The following KCNIP4 variants were observed in gnomAD, a reference collection of about 807,000 sequenced individuals.
KCNIP4 encodes the protein Kv channel-interacting protein 4.
Under a neutral mutation model 34.0 loss-of-function variants are expected in KCNIP4, and 12 were observed. That is an observed-to-expected ratio of 0.35 (90% CI 0.23 to 0.57). The LOEUF (loss-of-function observed/expected upper bound fraction) is 0.57. Among genes scored for constraint, KCNIP4 ranks in the 20% least tolerant of loss-of-function variants. KCNIP4 has a pLI of 0.83. For synonymous variants in KCNIP4, 124 were observed against 102.2 expected (o/e 1.21, Z -1.29); for missense variants, 238 against 311.7 (o/e 0.76, Z 1.78).
chr4:21,730,729 C>A (rs183270888), intron 1 of KCNIP4, among the ~76,000 whole-genome samples: 1 of 152,260 alleles, frequency 6.6e-6, no homozygotes, highest in East Asian at 1.9e-4. Context: ...CAGATTTACT[C>A]TGAAATGGGC....
chr4:21,297,102 GTATA>G (rs35254813), intron 1 of KCNIP4, among the ~76,000 whole-genome samples: 2 of 144,248 alleles, frequency 1.4e-5, no homozygotes. Context: ...TCAAATATGT[GTATA>G]TATATATATA....
At chr4:21,648,171 C>A (rs1408865928) in intron 1 of KCNIP4, among the ~76,000 whole-genome samples, 1 of 151,902 alleles carries the variant, frequency 6.6e-6, no homozygotes, top group Non-Finnish European at 1.5e-5. Flanking sequence ...CCGCGCCTGG[C>A]CTACAATGAT....
chr4:20,960,784 A>G lies in KCNIP4; in HGVS notation c.62-78075T>C, dbSNP rs1271356175. ...CAACAACTAAATGGATGTTAAACAA[A>G]ATCAGTCTATTAGAAGGTAATGAGG... On this transcript the variant is annotated intron_variant, in intron 1 of 8. Transcript: ENST00000382152. Among the ~76,000 whole-genome samples the G allele has an allele frequency of 2.0e-5, 3 of 152,226 alleles. No homozygotes were observed. The South Asian group carries it at 6.2e-4, about 32-fold the overall frequency.
At chr4:21,113,866 A>T (rs1221915079) in intron 1 of KCNIP4, among the ~76,000 whole-genome samples, 1 of 152,248 alleles carries the variant, frequency 6.6e-6, no homozygotes, top group Non-Finnish European at 1.5e-5. Context: ...CTTAACAAGA[A>T]ATAGGTGACA....
chr4:20,829,207 T>C (rs1030898800), intron 3 of KCNIP4, among the ~76,000 whole-genome samples: 35 of 44,044 alleles, frequency 7.9e-4, no homozygotes, highest in African/African-American at 3.1e-3. Context: ...CTTTTATTTT[T>C]TATTTTATTT....
At chr4:21,399,531 G>T (rs1472589526) in intron 1 of KCNIP4, among the ~76,000 whole-genome samples, 1 of 152,164 alleles carries the variant, frequency 6.6e-6, no homozygotes. Flanking sequence ...AAGAAATTGT[G>T]GGTTTATTTT....
intron 3 of KCNIP4, among the ~76,000 whole-genome samples, chr4:20,802,435 T>G (rs1049767078): frequency 6.6e-6 from 1 of 151,910 alleles, no homozygotes; most frequent in East Asian, 1.9e-4. Flanking sequence ...TTTTCAGTAA[T>G]GAATAGATCA....
At chr4:21,401,226 C>T (rs1033942949) in intron 1 of KCNIP4, among the ~76,000 whole-genome samples, 2 of 152,172 alleles carry the variant, frequency 1.3e-5, no homozygotes, top group Admixed American at 6.5e-5. Flanking sequence ...TGATTTTGTT[C>T]TCTATTAAAG....
intron 1 of KCNIP4, among the ~76,000 whole-genome samples, chr4:21,775,848 C>T (rs1257871489): frequency 3.3e-5 from 5 of 152,200 alleles, no homozygotes; most frequent in Non-Finnish European, 4.4e-5. Context: ...AAATGGGTGC[C>T]GCCCTTCCCC....
At chr4:21,562,787 A>C (rs1315919292) in intron 1 of KCNIP4, among the ~76,000 whole-genome samples, 2 of 152,050 alleles carry the variant, frequency 1.3e-5, no homozygotes, top group African/African-American at 4.8e-5. Context: ...TGAGTTATCA[A>C]ATTCCAGATT....
intron 1 of KCNIP4, among the ~76,000 whole-genome samples, chr4:21,911,603 TTCACACACACACACACACACACAC>T (rs1232882948): frequency 2.6e-5 from 1 of 38,256 alleles, no homozygotes; most frequent in Admixed American, 4.0e-4. Flanking sequence ...AGAATTGATA[TTCACACACACACACACACACACAC>T]ACACACACAC....
At chr4:21,715,377 A>G (rs913537418) in intron 1 of KCNIP4, among the ~76,000 whole-genome samples, 1 of 151,922 alleles carries the variant, frequency 6.6e-6, no homozygotes, top group Non-Finnish European at 1.5e-5. Flanking sequence ...TGATCCGCCC[A>G]CCTTGGCCTC....
At position 20,884,257 on chromosome 4, in the gene KCNIP4, G is replaced by A. The variant is rs542821124; in HGVS notation, c.62-1548C>T. ...AAGTTCTGGGATACATGTGAAGAACGTGCAGGTTTGTTACATAGGTATACA... is the reference window on the plus strand; with the variant it reads ...AAGTTCTGGGATACATGTGAAGAACATGCAGGTTTGTTACATAGGTATACA... On this transcript the variant is annotated intron_variant, in intron 1 of 8. Transcript: ENST00000382152. Among the ~76,000 whole-genome samples the A allele has an allele frequency of 1.4e-4, 22 of 152,248 alleles. No homozygotes were observed. In the South Asian group the frequency reaches 4.6e-3, roughly 32 times the overall value.
intron 1 of KCNIP4, among the ~76,000 whole-genome samples, chr4:21,548,843 G>A (rs911587642): frequency 6.6e-6 from 1 of 151,990 alleles, no homozygotes; most frequent in Non-Finnish European, 1.5e-5. Context: ...TAAGCATTCT[G>A]TAAAAATTTA....
chr4:21,085,131 T>C (rs527453422), intron 1 of KCNIP4, among the ~76,000 whole-genome samples: 14 of 152,218 alleles, frequency 9.2e-5, no homozygotes, highest in Non-Finnish European at 1.0e-4. Flanking sequence ...TGATGGTATG[T>C]GGAGGTGGGA....
At chr4:21,514,960 C>T (rs768034000) in intron 1 of KCNIP4, among the ~76,000 whole-genome samples, 3 of 152,178 alleles carry the variant, frequency 2.0e-5, no homozygotes, top group Admixed American at 6.5e-5. Flanking sequence ...CTAAACATGA[C>T]CTATGAAGTC....
intron 1 of KCNIP4, among the ~76,000 whole-genome samples, chr4:21,390,575 C>A (rs1422170043): frequency 2.6e-5 from 4 of 152,124 alleles, no homozygotes; most frequent in Admixed American, 2.6e-4. Context: ...TTCCCCATTT[C>A]TTGTTTTTGT....
intron 1 of KCNIP4, among the ~76,000 whole-genome samples, chr4:20,900,859 A>G (rs1430993658): frequency 1.3e-5 from 2 of 152,204 alleles, no homozygotes; most frequent in African/African-American, 4.8e-5. Flanking sequence ...ATCTGGAGAA[A>G]GCAATATTGT....
chr4:21,431,588 G>A (rs1726451849), intron 1 of KCNIP4, among the ~76,000 whole-genome samples: 1 of 152,024 alleles, frequency 6.6e-6, no homozygotes, highest in Non-Finnish European at 1.5e-5. Flanking sequence ...TACATGCTAT[G>A]TATCCCAGAA....
Sources: allele counts gnomAD v4.1 joint callset (sites outside exome capture counted in the v4.1 genomes callset), GRCh38; gene constraint gnomAD v4.1.1; transcripts MANE v1.5; gene names NCBI Gene and HGNC (gene_info 2026-07-23, HGNC 2026-07-21).